Variants in DPF2 observed in about 807,000 individuals in gnomAD.
DPF2 encodes double PHD fingers 2.
In DPF2, 10 loss-of-function variants were observed where a neutral mutation model predicts 59.6. The observed-to-expected ratio is 0.17, with a 90% CI of 0.10 to 0.28. DPF2 has a LOEUF of 0.28. Among genes scored for constraint, DPF2 ranks in the 10% least tolerant of loss-of-function variants. The pLI, the probability that DPF2 is intolerant of heterozygous loss-of-function variation, is 1.00. For missense variants in DPF2, 315 were observed against 509.4 expected, an observed-to-expected ratio of 0.62 and a Z score of 3.67; for synonymous variants, 189 against 190.6, an observed-to-expected ratio of 0.99 and a Z score of 0.07.
intron 1 of DPF2, among the ~76,000 whole-genome samples, chr11:65,339,455 A>G (rs1328112541): frequency 1.3e-5 from 2 of 152,190 alleles, no homozygotes; most frequent in African/African-American, 4.8e-5. Flanking sequence ...TTTTGAGACC[A>G]AGAAGATTTT....
intron 10 of DPF2, 148 bp downstream of exon 10, chr11:65,349,079 C>A: frequency 1.3e-6 from 1 of 791,374 alleles, no homozygotes; most frequent in South Asian, 1.8e-5. Context: ...GAATGCCTTC[C>A]TAACATTTCA....
chr11:65,333,856 C>G lies in DPF2; in HGVS notation c.-31C>G, dbSNP rs1030788774. 6.2e-7 allele frequency: 1 copy of G among 1,613,566 alleles called. No homozygotes were observed. The highest frequency in any genetic ancestry group is 2.2e-5 in the East Asian group (1 of 44,862). On this transcript the variant is annotated 5_prime_UTR_variant, in exon 1 of 11. Transcript: ENST00000528416. ...CGCCTGCGCGCTGCGGACTGTGGGGCTTCTCGGCCCGAGGCAGAGGAACAG... is the reference window on the plus strand; with the variant it reads ...CGCCTGCGCGCTGCGGACTGTGGGGGTTCTCGGCCCGAGGCAGAGGAACAG...
intron 1 of DPF2, among the ~76,000 whole-genome samples, chr11:65,335,963 A>G (rs1033326717): frequency 6.6e-6 from 1 of 151,832 alleles, no homozygotes; most frequent in Non-Finnish European, 1.5e-5. Context: ...ACAGGTGCCC[A>G]CCACCACACC....
intron 3 of DPF2, 105 bp from the exon 4 acceptor site, chr11:65,341,294 A>G: frequency 1.3e-6 from 2 of 1,521,916 alleles, no homozygotes; most frequent in Non-Finnish European, 1.8e-6. Flanking sequence ...CGTGCAGAGA[A>G]CAAAAGATAG....
intron 1 of DPF2, among the ~76,000 whole-genome samples, chr11:65,334,236 C>T (rs1227669779): frequency 2.0e-5 from 3 of 152,232 alleles, no homozygotes; most frequent in East Asian, 1.9e-4. Flanking sequence ...CGTCCCGGTC[C>T]TCTCCCGAGA....
At chr11:65,337,504 T>TATATATAGAGAGAG (rs1282367012) in intron 1 of DPF2, among the ~76,000 whole-genome samples, 7 of 21,384 alleles carry the variant, frequency 3.3e-4, no homozygotes, top group Non-Finnish European at 5.7e-4. Flanking sequence ...TATATATATA[T>TATATATAGAGAGAG]AGAGAGAGAG....
Position 65,340,499 on chromosome 11 carries a change from C to T in DPF2, c.147C>T (p.Ala49=). Residue 49 remains alanine (A), a synonymous_variant, in exon 2 of 11, where the codon GCC becomes GCT. Coordinates refer to ENST00000528416, the MANE Select transcript of DPF2 (RefSeq NM_006268.5). Reference sequence around the variant, plus strand: ...TCTTGGACTCACAGACCGGAGTAGCCCAGAGCAATTGTTACATCTGGATGG... The same window carrying T: ...TCTTGGACTCACAGACCGGAGTAGCTCAGAGCAATTGTTACATCTGGATGG... ...LPFLDSQTGV[A]QSNCYIWMEK... 6.2e-7 allele frequency: 1 copy of T among 1,614,192 alleles called. No individual in the cohort carries two copies. The highest frequency in any genetic ancestry group is 8.5e-7 in the Non-Finnish European group (1 of 1,180,032).
At chr11:65,349,516 C>G (rs1854629622) in intron 10 of DPF2, among the ~76,000 whole-genome samples, 2 of 152,198 alleles carry the variant, frequency 1.3e-5, no homozygotes, top group Admixed American at 6.5e-5. Context: ...TGAGTAGCAG[C>G]TGGGCGCGGT....
chr11:65,334,045 G>T, intron 1 of DPF2, 127 bp downstream of exon 1: 2 of 1,353,964 alleles, frequency 1.5e-6, no homozygotes, highest in Non-Finnish European at 2.0e-6. Context: ...GCGACTCCTG[G>T]TGGGGAGGGC....
chr11:65,344,458 C>A, intron 6 of DPF2: 1 of 925,336 alleles, frequency 1.1e-6, no homozygotes, highest in Non-Finnish European at 1.6e-6. Flanking sequence ...TCTGTCCCTC[C>A]ACCCTGGGAG....
rs1565547876 is a variant in DPF2, at chr11:65,354,098, A to G, written c.*2339A>G. Reference sequence around the variant, plus strand: ...GGAAGGCAGAGGATGCGGAGCTGTGAGCGGAGGGAGCAGCGAGGCTGGAGA... The same window carrying G: ...GGAAGGCAGAGGATGCGGAGCTGTGGGCGGAGGGAGCAGCGAGGCTGGAGA... On this transcript the variant is annotated 3_prime_UTR_variant, in exon 11 of 11. Transcript: ENST00000528416. Among the ~76,000 whole-genome samples the G allele has an allele frequency of 6.6e-6, 1 of 152,176 alleles. No homozygotes were observed. The highest frequency in any genetic ancestry group is 1.5e-5 in the Non-Finnish European group (1 of 68,018).
rs918423449 is a variant in DPF2 at position 65,350,255 on chromosome 11, A to G, written c.1099+1324A>G. On this transcript the variant is annotated intron_variant, in intron 10 of 10. Transcript: ENST00000528416. ...AACCCCTAGAAGTATCAGATGTTCT[A>G]GGTCAGGGTCAGCAAGCTACAAGCT... 3.3e-5 allele frequency among the ~76,000 whole-genome samples: 5 copies of G among 152,288 alleles called. No individual in the cohort carries two copies. In the East Asian group the frequency reaches 7.7e-4, roughly 23 times the overall value.
chr11:65,339,242 T>TAA (rs561028492), intron 1 of DPF2, among the ~76,000 whole-genome samples: 2,149 of 138,232 alleles, frequency 0.016, 19 homozygotes, highest in Non-Finnish European at 0.024. Context: ...CCTTGTCTCT[T>TAA]AAAAAAAAAA....
rs1321676483 is a variant in DPF2 at position 65,352,498 on chromosome 11, G to A, written c.*739G>A. 1 of 152,560 alleles carries A rather than the reference G, an allele frequency of 6.6e-6. No homozygotes were observed. Among genetic ancestry groups the A allele is most frequent in the Non-Finnish European group, 1.5e-5 (1 of 68,096 alleles). The allele number at this position is 152,560 out of a possible 1,614,324, so 9.5% of individuals were successfully genotyped here. Reference sequence around the variant, plus strand: ...TCTGCCTCCCTTCCTACTCCTTTTGGTTTTGTGGGGAGAGGGGAAGGATCA... The same window carrying A: ...TCTGCCTCCCTTCCTACTCCTTTTGATTTTGTGGGGAGAGGGGAAGGATCA... On this transcript the variant is annotated 3_prime_UTR_variant, in exon 11 of 11. Transcript: ENST00000528416.
chr11:65,341,021 G>A lies in DPF2; in HGVS notation c.249G>A (p.Arg83=), dbSNP rs1031353549. The A allele has an allele frequency of 2.5e-5, 40 of 1,614,000 alleles. No homozygotes were observed. Among genetic ancestry groups the A allele is most frequent in the Non-Finnish European group, 2.9e-5 (34 of 1,180,042 alleles). ...CTGCCCGGCGCTGGCGGAAAAAGCG[G>A]CGAGCCCATCCCCCTGAGGATCCAC... ...SYPARRWRKK[R]RAHPPEDPRL... is the part of the protein sequence containing the mutation. The change falls in exon 3 of 11, where the codon CGG becomes CGA. Residue 83 remains arginine, a synonymous_variant. Coordinates refer to ENST00000528416, the MANE Select transcript of DPF2 (RefSeq NM_006268.5).
chr11:65,352,669 G>C lies in DPF2; in HGVS notation c.*910G>C, dbSNP rs1045412997. On this transcript the variant is annotated 3_prime_UTR_variant, in exon 11 of 11. Coordinates refer to ENST00000528416, the MANE Select transcript of DPF2 (RefSeq NM_006268.5). ...CCTCCTGCTCTTAACTGAATTGGGAGCCTCTGCCACCTGCCCCGTGTATCC... is the reference window on the plus strand; with the variant it reads ...CCTCCTGCTCTTAACTGAATTGGGACCCTCTGCCACCTGCCCCGTGTATCC... 1.3e-5 allele frequency: 2 copies of C among 152,700 alleles called. No homozygotes were observed. The highest frequency in any genetic ancestry group is 2.4e-5 in the African/African-American group (1 of 41,456). 9.5% of individuals were successfully genotyped at this position (152,700 alleles called of 1,614,324 possible). A position where few individuals can be genotyped will look rare whatever the true frequency, so the allele number is the denominator to read the frequency against.
chr11:65,350,326 C>T (rs778588357), intron 10 of DPF2, among the ~76,000 whole-genome samples: 11 of 151,558 alleles, frequency 7.3e-5, no homozygotes, highest in Non-Finnish European at 1.3e-4. Context: ...AAATAGCTTG[C>T]AAGCTGTTTT....
rs754400043 is a variant in DPF2, at chr11:65,340,382, C to T, written c.33-3C>T. Reference sequence around the variant, plus strand: ...ACACGCCTGATTTCTATCTTCCCTGCAGCCTTGGGGAGCAGTACTACAAAG... The same window carrying T: ...ACACGCCTGATTTCTATCTTCCCTGTAGCCTTGGGGAGCAGTACTACAAAG... On this transcript the variant is annotated splice_polypyrimidine_tract_variant and splice_region_variant and intron_variant, in intron 1 of 10. Transcript: ENST00000528416. The T allele has an allele frequency of 2.6e-5, 42 of 1,613,754 alleles. No homozygotes were observed. The highest frequency in any genetic ancestry group is 3.6e-5 in the Non-Finnish European group (42 of 1,179,698).
At chr11:65,342,158 T>C (rs186166415) in intron 4 of DPF2, among the ~76,000 whole-genome samples, 1 of 151,778 alleles carries the variant, frequency 6.6e-6, no homozygotes, top group Admixed American at 6.6e-5. Context: ...TACCACATAC[T>C]CTTTACCTAG....
Sources: gnomAD v4.1 joint callset for allele counts (sites outside exome capture counted in the v4.1 genomes callset) on GRCh38, gnomAD v4.1.1 for gene constraint, MANE v1.5 for transcripts, NCBI Gene and HGNC (gene_info 2026-07-23, HGNC 2026-07-21) for gene names.